Variants in DEFB112 observed in about 807,000 individuals in gnomAD.
DEFB112 encodes beta-defensin 112.
Under a neutral mutation model 1.1 loss-of-function variants are expected in DEFB112, and 2 were observed. The observed-to-expected ratio is 1.85, with a 90% confidence interval of 0.76 to 5.83. DEFB112 has a LOEUF of 5.83. DEFB112 is among the 30% of genes most tolerant of loss of function. The pLI, the probability that DEFB112 is intolerant of heterozygous loss-of-function variation, is 0.05. For missense variants in DEFB112, 120 were observed against 94.4 expected (o/e 1.27, Z -1.12); for synonymous variants, 40 against 31.2 (o/e 1.28, Z -0.93).
chr6:50,043,804 G>T lies in DEFB112; in HGVS notation c.59-3C>A. ...GATATGGTGCCCTTCACTTCTGGCT[G>T]AAAGAAGGCAAGAACAGCTGGAATT... On this transcript the variant is annotated splice_region_variant and splice_polypyrimidine_tract_variant and intron_variant, in intron 1 of 1. Transcript: ENST00000651554. 1 of 1,612,440 alleles carries T rather than the reference G, an allele frequency of 6.2e-7. No homozygotes were observed. The highest frequency in any genetic ancestry group is 1.1e-5 in the South Asian group (1 of 90,986).
chr6:50,049,260 T>C (rs1774889023), intron 1 of DEFB112, among the ~76,000 whole-genome samples: 1 of 152,124 alleles, frequency 6.6e-6, no homozygotes, highest in Admixed American at 6.5e-5. Flanking sequence ...TACTGAAAGA[T>C]ATCTTGATAA....
In DEFB112 at chr6:50,043,281, T is replaced by C. The variant is rs949347824; in HGVS notation, c.*294A>G. 3.3e-5 allele frequency among the ~76,000 whole-genome samples: 5 copies of C among 152,010 alleles called. No individual in the cohort carries two copies. The highest frequency in any genetic ancestry group is 1.2e-4 in the African/African-American group (5 of 41,410). On this transcript the variant is annotated 3_prime_UTR_variant, in exon 2 of 2. Transcript: ENST00000651554. Reference sequence around the variant, plus strand: ...AATACCTCACTAATGACTCATAATATGCTTTTCACACTAAATAAGGAATTG... The same window carrying C: ...AATACCTCACTAATGACTCATAATACGCTTTTCACACTAAATAAGGAATTG...
In DEFB112 at chr6:50,046,277, T is replaced by C. The variant is rs114186095; in HGVS notation, c.59-2476A>G. Among the ~76,000 whole-genome samples the C allele has an allele frequency of 6.3e-3, 920 of 147,082 alleles. 9 individuals carry two copies. The highest frequency in any genetic ancestry group is 0.022 in the African/African-American group (865 of 40,180). ...TGTGTGTGTATCTTAGAGAGAATCA[T>C]ACAGTTTGTTTGTTTCTGGATTTTT... On this transcript the variant is annotated intron_variant, in intron 1 of 1. Transcript: ENST00000651554.
chr6:50,047,689 C>G (rs1220215757), intron 1 of DEFB112, among the ~76,000 whole-genome samples: 9 of 152,260 alleles, frequency 5.9e-5, no homozygotes, highest in Non-Finnish European at 1.2e-4. Context: ...AACTAAGTTC[C>G]CAGTCCCTTA....
Position 50,043,607 on chromosome 6 carries a change from G to A in DEFB112, c.253C>T (p.Gln85Ter), listed in dbSNP as rs747742414. 3.7e-6 allele frequency: 6 copies of A among 1,613,276 alleles called. No homozygotes were observed. The highest frequency in any genetic ancestry group is 2.7e-5 in the African/African-American group (2 of 74,968). The change falls in exon 2 of 2, where the codon CAA becomes TAA. Residue 85 changes from glutamine to a stop codon, truncating the protein, a stop_gained. Transcript: ENST00000651554. LOFTEE classifies it high-confidence loss of function. ...CGTGAGTCTTTAGGGTACCATTCTTGAGTCCCTACTGAGTCCTTTGGGATC... is the reference window on the plus strand; with the variant it reads ...CGTGAGTCTTTAGGGTACCATTCTTAAGTCCCTACTGAGTCCTTTGGGATC... ...NWIPKDSVGTQEWYPKDSRH is the reference protein window; with the variant it reads ...NWIPKDSVGT
chr6:50,043,786 T>C lies in DEFB112; in HGVS notation c.74A>G (p.His25Arg), dbSNP rs775729999. Reference protein sequence around the residue: ...VLIPPARSEGHHITFSRWKSC... With the variant: ...VLIPPARSEGRHITFSRWKSC... ...CTTCCACCTACTAAAGGTGATATGG[T>C]GCCCTTCACTTCTGGCTGAAAGAAG... is the stretch of plus-strand genomic sequence containing the variant. Residue 25 changes from histidine to arginine, a missense_variant, in exon 2 of 2, where the codon CAC becomes CGC. Transcript: ENST00000651554. The C allele has an allele frequency of 1.9e-6, 3 of 1,613,230 alleles. No individual in the cohort carries two copies. Among genetic ancestry groups the C allele is most frequent in the Admixed American group, 1.7e-5 (1 of 59,962 alleles).
At chr6:50,045,182 C>T (rs1774811462) in intron 1 of DEFB112, among the ~76,000 whole-genome samples, 1 of 152,002 alleles carries the variant, frequency 6.6e-6, no homozygotes, top group African/African-American at 2.4e-5. Context: ...ATGAAAGGTA[C>T]ATTTCATAAT....
intron 1 of DEFB112, among the ~76,000 whole-genome samples, 167 bp from the exon 2 acceptor site, chr6:50,043,968 T>G (rs1774792163): frequency 6.6e-6 from 1 of 152,120 alleles, no homozygotes; most frequent in African/African-American, 2.4e-5. Flanking sequence ...CCAACAAGTA[T>G]ACAGTTCCTA....
rs1411413902 is a variant in DEFB112, at chr6:50,042,575, A to G, written c.*1000T>C. ...GGACAAAGCCTAGAGGACATTCTTT[A>G]AGTAATACTTAGCACATACCAAGCC... On this transcript the variant is annotated 3_prime_UTR_variant, in exon 2 of 2. Transcript: ENST00000651554. Among the ~76,000 whole-genome samples the G allele has an allele frequency of 6.6e-6, 1 of 152,124 alleles. No homozygotes were observed. Among genetic ancestry groups the G allele is most frequent in the Non-Finnish European group, 1.5e-5 (1 of 67,932 alleles).
chr6:50,048,283 C>A (rs192293386), intron 1 of DEFB112, among the ~76,000 whole-genome samples: 2 of 152,236 alleles, frequency 1.3e-5, no homozygotes, highest in Admixed American at 1.3e-4. Context: ...GAAAACCTTT[C>A]TTCATGGAAA....
intron 1 of DEFB112, among the ~76,000 whole-genome samples, 110 bp downstream of exon 1, chr6:50,049,702 G>T (rs1371709503): frequency 6.6e-6 from 1 of 152,004 alleles, no homozygotes; most frequent in Non-Finnish European, 1.5e-5. Context: ...AATGTAACAT[G>T]ATGATGGTAT....
intron 1 of DEFB112, among the ~76,000 whole-genome samples, chr6:50,046,293 C>G (rs1457251323): frequency 8.2e-5 from 12 of 145,786 alleles, no homozygotes; most frequent in African/African-American, 2.3e-4. Context: ...TTGTTTGTTT[C>G]TGGATTTTTA....
chr6:50,048,435 A>G, intron 1 of DEFB112: 1 of 937,420 alleles, frequency 1.1e-6, no homozygotes, highest in Non-Finnish European at 1.7e-6. Context: ...ATATAAGTAA[A>G]CAGGGACTGA....
intron 1 of DEFB112, among the ~76,000 whole-genome samples, chr6:50,044,609 C>G (rs897970740): frequency 5.9e-5 from 9 of 152,066 alleles, no homozygotes; most frequent in Non-Finnish European, 1.3e-4. Flanking sequence ...TGCAGATATT[C>G]ATTTATTCTC....
chr6:50,047,051 G>T (rs545867817), intron 1 of DEFB112, among the ~76,000 whole-genome samples: 1 of 152,126 alleles, frequency 6.6e-6, no homozygotes, highest in African/African-American at 2.4e-5. Flanking sequence ...CTTGGTGTTG[G>T]GGGGATCCAG....
chr6:50,044,457 C>T (rs1454534464), intron 1 of DEFB112, among the ~76,000 whole-genome samples: 1 of 151,992 alleles, frequency 6.6e-6, no homozygotes, highest in African/African-American at 2.4e-5. Flanking sequence ...GTTTCCAATG[C>T]TATAGAAAAT....
At position 50,042,495 on chromosome 6, in the gene DEFB112, A is replaced by G. The variant is rs1188760042; in HGVS notation, c.*1080T>C. On this transcript the variant is annotated 3_prime_UTR_variant, in exon 2 of 2. Transcript: ENST00000651554. Reference sequence around the variant, plus strand: ...TTAAGTGACTAGCTCCCTTTTCTTCATGTGGCCTTAGTCCACAGGTTGTAA... The same window carrying G: ...TTAAGTGACTAGCTCCCTTTTCTTCGTGTGGCCTTAGTCCACAGGTTGTAA... 6.6e-6 allele frequency among the ~76,000 whole-genome samples: 1 copy of G among 152,046 alleles called. No individual in the cohort carries two copies. The highest frequency in any genetic ancestry group is 1.5e-5 in the Non-Finnish European group (1 of 67,948).
chr6:50,048,493 T>G, intron 1 of DEFB112: 1 of 1,497,464 alleles, frequency 6.7e-7, no homozygotes. Context: ...TCAAAAAGTA[T>G]TGATTAAAAT....
intron 1 of DEFB112, among the ~76,000 whole-genome samples, chr6:50,048,080 G>T (rs1233405355): frequency 3.3e-5 from 5 of 151,816 alleles, no homozygotes; most frequent in African/African-American, 1.2e-4. Flanking sequence ...CCGGGAGACG[G>T]TGGTTGCAGT....
Sources: allele counts gnomAD v4.1 joint callset (sites outside exome capture counted in the v4.1 genomes callset), GRCh38; gene constraint gnomAD v4.1.1; transcripts MANE v1.5; gene names NCBI Gene and HGNC (gene_info 2026-07-23, HGNC 2026-07-21).